ALPL: variants seen among roughly 807,000 people sequenced by gnomAD.
ALPL encodes the protein alkaline phosphatase, tissue-nonspecific isozyme.
A neutral mutation model predicts 51.3 loss-of-function variants in ALPL; 42 were observed. The ratio of observed to expected loss-of-function variants is 0.82; its 90% CI spans 0.64 to 1.06. The LOEUF is 1.06. ALPL is among the 50% of genes least tolerant of loss of function. The pLI, the probability that ALPL is intolerant of heterozygous loss-of-function variation, is 0.00. For missense variants in ALPL, 589 were observed against 709.4 expected (o/e 0.83, Z 1.93); for synonymous variants, 279 against 296.4 (o/e 0.94, Z 0.60).
At chr1:21,544,233 A>G (rs9662008) in intron 1 of ALPL, among the ~76,000 whole-genome samples, 14,107 of 152,280 alleles carry the variant, frequency 0.093, 944 homozygotes, top group African/African-American at 0.19. Flanking sequence ...CAAAGGAAAC[A>G]GTTTCGGAGG....
chr1:21,513,770 A>G (rs1309266255), intron 1 of ALPL, among the ~76,000 whole-genome samples: 1 of 152,204 alleles, frequency 6.6e-6, no homozygotes, highest in Non-Finnish European at 1.5e-5. Flanking sequence ...CATTTTATAT[A>G]AAGATAAGGA....
intron 1 of ALPL, among the ~76,000 whole-genome samples, chr1:21,547,148 T>C (rs1233017641): frequency 6.6e-6 from 1 of 152,180 alleles, no homozygotes. Context: ...CTGTAGGTGT[T>C]TGGGAGTGAG....
Position 21,577,752 on chromosome 1 carries a change from CA to C in ALPL, c.*106del. ...GAGGTGGGGGCCTCCTCAGCCTCTGCAACTGCAAGAAAGGGGACCCAAGAAA... is the reference window on the plus strand; with the variant it reads ...GAGGTGGGGGCCTCCTCAGCCTCTGCACTGCAAGAAAGGGGACCCAAGAAA... On this transcript the variant is annotated 3_prime_UTR_variant, in exon 12 of 12. Coordinates refer to ENST00000374840, the MANE Select transcript of ALPL (RefSeq NM_000478.6). 2 of 1,426,834 alleles carry C rather than the reference CA, an allele frequency of 1.4e-6. No homozygotes were observed. The highest frequency in any genetic ancestry group is 1.9e-6 in the Non-Finnish European group (2 of 1,064,604). The allele number at this position is 1,426,834 out of a possible 1,614,324, so 88.4% of individuals were successfully genotyped here.
intron 2 of ALPL, among the ~76,000 whole-genome samples, chr1:21,559,476 G>A (rs1644455677): frequency 6.6e-6 from 1 of 152,212 alleles, no homozygotes; most frequent in Non-Finnish European, 1.5e-5. Context: ...AGAGACTGAG[G>A]CTGAGGGAGG....
At chr1:21,532,342 CCAT>C (rs1373535618) in intron 1 of ALPL, among the ~76,000 whole-genome samples, 1 of 152,082 alleles carries the variant, frequency 6.6e-6, no homozygotes, top group Non-Finnish European at 1.5e-5. Flanking sequence ...CAGGCACCTG[CCAT>C]CATGCCCTGC....
chr1:21,533,833 G>T (rs999209105), intron 1 of ALPL, among the ~76,000 whole-genome samples: 7 of 151,890 alleles, frequency 4.6e-5, no homozygotes, highest in African/African-American at 1.7e-4. Flanking sequence ...TGAGGCAGGA[G>T]AATCGCCTGA....
intron 1 of ALPL, among the ~76,000 whole-genome samples, chr1:21,546,373 T>G (rs1363548537): frequency 1.3e-5 from 2 of 152,088 alleles, no homozygotes; most frequent in Non-Finnish European, 2.9e-5. Flanking sequence ...GGATCTGAGG[T>G]GTACCAGGAG....
At chr1:21,520,145 G>C (rs970067290) in intron 1 of ALPL, among the ~76,000 whole-genome samples, 4 of 151,762 alleles carry the variant, frequency 2.6e-5, no homozygotes, top group African/African-American at 9.7e-5. Context: ...TTTGTTTTTT[G>C]AGACAAGGTC....
chr1:21,512,299 C>A (rs986949037), intron 1 of ALPL, among the ~76,000 whole-genome samples: 1 of 152,150 alleles, frequency 6.6e-6, no homozygotes, highest in African/African-American at 2.4e-5. Context: ...CACTGCCATG[C>A]GACCCTGGAC....
chr1:21,520,778 G>A (rs954278452), intron 1 of ALPL, among the ~76,000 whole-genome samples: 5 of 152,032 alleles, frequency 3.3e-5, no homozygotes, highest in Non-Finnish European at 7.4e-5. Flanking sequence ...TGAACTCACC[G>A]AACCATCAAA....
chr1:21,526,658 A>C (rs922650561), intron 1 of ALPL, among the ~76,000 whole-genome samples: 1 of 152,162 alleles, frequency 6.6e-6, no homozygotes, highest in Non-Finnish European at 1.5e-5. Context: ...GATGTGGTCT[A>C]TGTGAAAACT....
Position 21,573,801 on chromosome 1 carries a change from T to A in ALPL, c.997+2T>A, listed in dbSNP as rs1057517391. On this transcript the variant is annotated splice_donor_variant, in intron 9 of 11. Coordinates refer to ENST00000374840, the MANE Select transcript of ALPL (RefSeq NM_000478.6). LOFTEE classifies it high-confidence loss of function. Reference sequence around the variant, plus strand: ...AAGGCTTCTTCTTGCTGGTGGAAGGTAGGGACCCCGGGTCTGCTGAGAGGG... The same window carrying A: ...AAGGCTTCTTCTTGCTGGTGGAAGGAAGGGACCCCGGGTCTGCTGAGAGGG... The A allele has an allele frequency of 1.4e-5, 22 of 1,613,908 alleles. No homozygotes were observed. Among genetic ancestry groups the A allele is most frequent in the Non-Finnish European group, 1.9e-5 (22 of 1,180,004 alleles).
At position 21,575,836 on chromosome 1, in the gene ALPL, C is replaced by T. The variant is rs758332051; in HGVS notation, c.1101C>T (p.Ser367=). ...RAIGQAGSLT[S]SEDTLTVVTA... ...TCGGGCAGGCAGGCAGCTTGACCTC[C>T]TCGGAAGACACTCTGACCGTGGTCA... Residue 367 remains serine (S), a synonymous_variant, in exon 10 of 12, where the codon TCC becomes TCT. Coordinates refer to ENST00000374840, the MANE Select transcript of ALPL (RefSeq NM_000478.6). 1.4e-5 allele frequency: 22 copies of T among 1,614,140 alleles called. No homozygotes were observed. Among genetic ancestry groups the T allele is most frequent in the Non-Finnish European group, 1.9e-5 (22 of 1,180,056 alleles).
chr1:21,526,707 G>A (rs946825422), intron 1 of ALPL, among the ~76,000 whole-genome samples: 4 of 152,266 alleles, frequency 2.6e-5, no homozygotes, highest in Middle Eastern at 3.4e-3. Context: ...TGGCCTGGTA[G>A]GTGATGAATT....
chr1:21,523,223 C>A (rs574204967), intron 1 of ALPL, among the ~76,000 whole-genome samples: 1 of 152,092 alleles, frequency 6.6e-6, no homozygotes, highest in Non-Finnish European at 1.5e-5. Context: ...CACTTGAACC[C>A]GGGAGGCGGA....
intron 6 of ALPL, among the ~76,000 whole-genome samples, chr1:21,567,828 G>T (rs1456947914): frequency 6.6e-6 from 1 of 152,200 alleles, no homozygotes; most frequent in East Asian, 1.9e-4. Context: ...TCTTATTCGA[G>T]TGGGAGTTCT....
At chr1:21,569,485 G>C (rs1432235868) in intron 7 of ALPL, among the ~76,000 whole-genome samples, 2 of 152,052 alleles carry the variant, frequency 1.3e-5, no homozygotes, top group African/African-American at 2.4e-5. Flanking sequence ...TGTGTGCCTC[G>C]GTGCCCTCAT....
chr1:21,550,913 A>C (rs1330614756), intron 1 of ALPL, among the ~76,000 whole-genome samples: 1 of 152,150 alleles, frequency 6.6e-6, no homozygotes, highest in Non-Finnish European at 1.5e-5. Context: ...GAACACACAC[A>C]ATGTATTATC....
intron 1 of ALPL, among the ~76,000 whole-genome samples, chr1:21,532,439 C>T (rs1344769462): frequency 6.6e-6 from 1 of 152,186 alleles, no homozygotes; most frequent in African/African-American, 2.4e-5. Flanking sequence ...GATCCGCCCG[C>T]CTCAGCCTCC....
Sources: gnomAD v4.1 joint callset for allele counts (sites outside exome capture counted in the v4.1 genomes callset) on GRCh38, gnomAD v4.1.1 for gene constraint, MANE v1.5 for transcripts, NCBI Gene and HGNC (gene_info 2026-07-23, HGNC 2026-07-21) for gene names.